Variants in PCLO observed in about 807,000 individuals in gnomAD.
PCLO encodes the protein piccolo presynaptic cytomatrix protein.
Under a neutral mutation model 427.5 loss-of-function variants are expected in PCLO, and 82 were observed. That is an observed-to-expected ratio of 0.19 (90% CI 0.16 to 0.23). The LOEUF (loss-of-function observed/expected upper bound fraction) is 0.23, where lower values mean the gene tolerates loss of function less well. Among genes scored for constraint, PCLO ranks in the 10% least tolerant of loss-of-function variants. The pLI is 1.00. For synonymous variants in PCLO, 2,357 were observed against 2,155.4 expected (o/e 1.09, Z -2.59); for missense variants, 6,239 against 6,115.9 (o/e 1.02, Z -0.67).
chr7:82,952,448 T>C lies in PCLO; in HGVS notation c.8505A>G (p.Pro2835=). ...QLTTSKHAEP[P]YRIPSDQVFP... The stretch of plus-strand genomic sequence containing the variant: ...AGACCTGGTCACTTGGTATCCTGTA[T>C]GGGGGCTCAGCATGCTTTGATGTTG... Residue 2835 remains proline (P), a synonymous_variant, in exon 5 of 25, where the codon CCA becomes CCG. Transcript: ENST00000333891. The C allele has an allele frequency of 6.2e-7, 1 of 1,613,904 alleles. No homozygotes were observed. Among genetic ancestry groups the C allele is most frequent in the Non-Finnish European group, 8.5e-7 (1 of 1,179,830 alleles).
chr7:83,066,681 T>C (rs980574406), intron 3 of PCLO, among the ~76,000 whole-genome samples: 1 of 152,220 alleles, frequency 6.6e-6, no homozygotes, highest in African/African-American at 2.4e-5. Flanking sequence ...ACTTAAATTA[T>C]GTTGAGAAAT....
At chr7:83,147,858 A>C (rs1014188156) in intron 2 of PCLO, among the ~76,000 whole-genome samples, 9 of 152,326 alleles carry the variant, frequency 5.9e-5, no homozygotes, top group Non-Finnish European at 1.2e-4. Context: ...AATCAGTATT[A>C]ACTTTTGCTT....
At chr7:82,842,410 A>C (rs903296698) in intron 13 of PCLO, among the ~76,000 whole-genome samples, 1 of 152,168 alleles carries the variant, frequency 6.6e-6, no homozygotes, top group African/African-American at 2.4e-5. Context: ...TTAAAGATTT[A>C]AATATAAGAC....
At chr7:82,794,277 T>C (rs1791168244) in intron 22 of PCLO, among the ~76,000 whole-genome samples, 1 of 151,876 alleles carries the variant, frequency 6.6e-6, no homozygotes, top group African/African-American at 2.4e-5. Context: ...ATGTGTTGTA[T>C]TTTGAATAAC....
rs1451748477 is a variant in PCLO, at chr7:83,065,179, TG to T, written c.3300+69070del. Among the ~76,000 whole-genome samples, 11 of 152,064 alleles carry T rather than the reference TG, an allele frequency of 7.2e-5. No homozygotes were observed. In the East Asian group the frequency reaches 2.1e-3, roughly 29 times the overall value. ...ACTTGTTGATGGCTCTCTCCTTCCATGGGGAGTAGGCTTCTTGTAGCCACAG... is the reference window on the plus strand; with the variant it reads ...ACTTGTTGATGGCTCTCTCCTTCCATGGGAGTAGGCTTCTTGTAGCCACAG... On this transcript the variant is annotated intron_variant, in intron 3 of 24. Coordinates refer to ENST00000333891, the MANE Select transcript of PCLO (RefSeq NM_033026.6).
intron 7 of PCLO, among the ~76,000 whole-genome samples, chr7:82,913,312 T>A (rs186882274): frequency 6.6e-6 from 1 of 152,002 alleles, no homozygotes; most frequent in African/African-American, 2.4e-5. Flanking sequence ...AAATCCAGAT[T>A]TGAATTCCTA....
chr7:82,922,477 T>G (rs1040766854), intron 6 of PCLO, among the ~76,000 whole-genome samples: 1 of 152,078 alleles, frequency 6.6e-6, no homozygotes, highest in Non-Finnish European at 1.5e-5. Context: ...CTAAGTGAAT[T>G]AATACAGGAA....
intron 17 of PCLO, 150 bp downstream of exon 17, chr7:82,827,723 T>C: frequency 6.0e-6 from 3 of 498,278 alleles, no homozygotes; most frequent in Non-Finnish European, 1.1e-5. Flanking sequence ...TCACTCATTT[T>C]TTTCCATTGG....
chr7:83,162,217 C>T (rs1792456653), intron 1 of PCLO, 128 bp downstream of exon 1: 1 of 1,118,334 alleles, frequency 8.9e-7, no homozygotes, highest in Non-Finnish European at 1.2e-6. Context: ...TATGGCCACC[C>T]CACTGGGGAG....
At chr7:83,066,126 A>G (rs947757205) in intron 3 of PCLO, among the ~76,000 whole-genome samples, 1 of 152,142 alleles carries the variant, frequency 6.6e-6, no homozygotes, top group Admixed American at 6.6e-5. Flanking sequence ...GTTCTTACAT[A>G]TGCTTTTCTA....
At chr7:82,887,601 A>G (rs1447258346) in intron 9 of PCLO, among the ~76,000 whole-genome samples, 7 of 152,192 alleles carry the variant, frequency 4.6e-5, no homozygotes, top group Non-Finnish European at 1.0e-4. Flanking sequence ...TAGCAGGAAC[A>G]CAATAACCAA....
intron 22 of PCLO, among the ~76,000 whole-genome samples, chr7:82,762,787 T>A (rs1217961452): frequency 6.6e-6 from 1 of 152,026 alleles, no homozygotes; most frequent in African/African-American, 2.4e-5. Flanking sequence ...TCTCTTTCTT[T>A]CGCTCTCTTT....
intron 3 of PCLO, among the ~76,000 whole-genome samples, chr7:83,083,037 G>A (rs559006149): frequency 6.7e-6 from 1 of 150,206 alleles, no homozygotes; most frequent in African/African-American, 2.5e-5. Context: ...ACTTAATAAT[G>A]AACACTGATA....
intron 3 of PCLO, among the ~76,000 whole-genome samples, chr7:82,990,248 A>G (rs1796346892): frequency 6.6e-6 from 1 of 152,174 alleles, no homozygotes; most frequent in Non-Finnish European, 1.5e-5. Flanking sequence ...CATCAAAGCA[A>G]CAGAAACATT....
intron 3 of PCLO, among the ~76,000 whole-genome samples, chr7:83,003,269 TAACA>T (rs1490577188): frequency 6.6e-6 from 1 of 151,614 alleles, no homozygotes; most frequent in Non-Finnish European, 1.5e-5. Context: ...ACTAATATTT[TAACA>T]AATAAAGTTT....
At chr7:82,903,360 T>C (rs1485460325) in intron 8 of PCLO, among the ~76,000 whole-genome samples, 2 of 151,986 alleles carry the variant, frequency 1.3e-5, no homozygotes, top group African/African-American at 4.8e-5. Flanking sequence ...CTTTTTAAAA[T>C]TCAAAGCTTG....
At chr7:83,060,958 C>T (rs1226981221) in intron 3 of PCLO, among the ~76,000 whole-genome samples, 2 of 152,184 alleles carry the variant, frequency 1.3e-5, no homozygotes, top group African/African-American at 4.8e-5. Context: ...AACATCAACA[C>T]TGTAAGGTTT....
chr7:83,055,225 C>T (rs565983846), intron 3 of PCLO, among the ~76,000 whole-genome samples: 12 of 152,204 alleles, frequency 7.9e-5, no homozygotes, highest in African/African-American at 1.9e-4. Flanking sequence ...ATAAATGGGA[C>T]GCCTTCTCAC....
At chr7:82,781,587 G>T (rs989502187) in intron 22 of PCLO, among the ~76,000 whole-genome samples, 1 of 152,024 alleles carries the variant, frequency 6.6e-6, no homozygotes, top group African/African-American at 2.4e-5. Context: ...TTCATCCAGG[G>T]TTCCTGGTTT....
Sources: allele counts gnomAD v4.1 joint callset (sites outside exome capture counted in the v4.1 genomes callset), GRCh38; gene constraint gnomAD v4.1.1; transcripts MANE v1.5; gene names NCBI Gene and HGNC (gene_info 2026-07-23, HGNC 2026-07-21).